MDGA2: variants seen among roughly 807,000 people sequenced by gnomAD.
MDGA2 encodes the protein MAM domain-containing glycosylphosphatidylinositol anchor protein 2.
In MDGA2, 40 loss-of-function variants were observed where a neutral mutation model predicts 117.8. The ratio of observed to expected loss-of-function variants is 0.34; its 90% CI spans 0.26 to 0.44. The LOEUF is 0.44. Among genes scored for constraint, MDGA2 ranks in the 20% least tolerant of loss-of-function variants. The probability of loss-of-function intolerance (pLI) is 1.00; values close to 1 mark genes in which losing one functional copy is unlikely to be tolerated. For missense variants in MDGA2, 1,123 were observed against 1,250.6 expected (o/e 0.90, Z 1.54); for synonymous variants, 452 against 439.0 (o/e 1.03, Z -0.37).
intron 2 of MDGA2, among the ~76,000 whole-genome samples, chr14:47,249,879 A>G (rs1435132466): frequency 6.6e-6 from 1 of 152,238 alleles, no homozygotes; most frequent in Non-Finnish European, 1.5e-5. Context: ...GTTGATAACT[A>G]GAGAAGGTAA....
intron 1 of MDGA2, among the ~76,000 whole-genome samples, chr14:47,522,077 A>C (rs1416541221): frequency 6.6e-6 from 1 of 152,082 alleles, no homozygotes; most frequent in Non-Finnish European, 1.5e-5. Context: ...AAAGGAAAAC[A>C]TTTTCCTTTT....
At chr14:47,215,278 T>C (rs1886045166) in intron 3 of MDGA2, among the ~76,000 whole-genome samples, 1 of 152,088 alleles carries the variant, frequency 6.6e-6, no homozygotes, top group South Asian at 2.1e-4. Context: ...TATAAATGAA[T>C]ATCTATTCAA....
chr14:47,361,186 ACTCT>A (rs374880544), intron 1 of MDGA2, among the ~76,000 whole-genome samples: 34 of 142,324 alleles, frequency 2.4e-4, no homozygotes, highest in African/African-American at 8.1e-4. Flanking sequence ...GTCATGTTGT[ACTCT>A]CTCTCTCTCT....
chr14:47,144,610 C>CA lies in MDGA2; in HGVS notation c.596-337dup, dbSNP rs375897924. Among the ~76,000 whole-genome samples the CA allele has an allele frequency of 1.5e-3, 225 of 147,808 alleles. 2 individuals carry two copies. The highest frequency in any genetic ancestry group is 0.01 in the East Asian group (53 of 5,084). On this transcript the variant is annotated intron_variant, in intron 3 of 16. Transcript: ENST00000399232. ...TAGCCAAAACAATGAACCTCAGTGA[C>CA]AAAAAAAAAATTAATATCAGGCTGC...
intron 1 of MDGA2, among the ~76,000 whole-genome samples, chr14:47,667,821 C>T (rs141065301): frequency 1.0e-3 from 154 of 152,132 alleles, no homozygotes; most frequent in African/African-American, 3.5e-3. Context: ...CAAAACAAGA[C>T]AAAAAATATA....
At chr14:47,087,136 T>G (rs1890930020) in intron 6 of MDGA2, among the ~76,000 whole-genome samples, 1 of 152,190 alleles carries the variant, frequency 6.6e-6, no homozygotes, top group Non-Finnish European at 1.5e-5. Context: ...AATAATTATA[T>G]GTTAATACAT....
intron 5 of MDGA2, among the ~76,000 whole-genome samples, chr14:47,127,989 G>A (rs560319285): frequency 1.5e-4 from 23 of 152,236 alleles, no homozygotes; most frequent in Non-Finnish European, 2.4e-4. Flanking sequence ...AAGAAGAGCT[G>A]TCAGTCTCCT....
At chr14:47,438,778 C>T (rs566366607) in intron 1 of MDGA2, among the ~76,000 whole-genome samples, 9 of 152,204 alleles carry the variant, frequency 5.9e-5, no homozygotes, top group Admixed American at 2.6e-4. Context: ...GGCACAAATG[C>T]TTGGCAATGT....
In MDGA2 at chr14:47,189,600, C is replaced by A. The variant is rs563280152; in HGVS notation, c.595+28421G>T. 2.4e-4 allele frequency among the ~76,000 whole-genome samples: 36 copies of A among 152,174 alleles called. No individual in the cohort carries two copies. In the South Asian group the frequency reaches 7.3e-3, roughly 31 times the overall value. Reference sequence around the variant, plus strand: ...ATCACCTTTTAAACAAAAATGCTGTCATTGATTTGCAGTTTCATGATGATT... The same window carrying A: ...ATCACCTTTTAAACAAAAATGCTGTAATTGATTTGCAGTTTCATGATGATT... On this transcript the variant is annotated intron_variant, in intron 3 of 16. Transcript: ENST00000399232.
At chr14:47,214,047 A>C (rs1035480239) in intron 3 of MDGA2, among the ~76,000 whole-genome samples, 4 of 152,034 alleles carry the variant, frequency 2.6e-5, no homozygotes, top group African/African-American at 9.7e-5. Flanking sequence ...AAACCATCAG[A>C]TCTCATAAAA....
At chr14:47,530,323 C>A (rs1370994220) in intron 1 of MDGA2, among the ~76,000 whole-genome samples, 1 of 152,178 alleles carries the variant, frequency 6.6e-6, no homozygotes, top group Non-Finnish European at 1.5e-5. Flanking sequence ...AGCTTCACGT[C>A]CTGTTTCTAC....
chr14:47,648,139 T>C (rs1215703643), intron 1 of MDGA2, among the ~76,000 whole-genome samples: 1 of 152,166 alleles, frequency 6.6e-6, no homozygotes, highest in Non-Finnish European at 1.5e-5. Context: ...GCCTATGTCA[T>C]ACTGTGCCAT....
chr14:47,286,513 GC>G (rs1196246419), intron 2 of MDGA2, among the ~76,000 whole-genome samples: 1 of 151,776 alleles, frequency 6.6e-6, no homozygotes, highest in African/African-American at 2.4e-5. Flanking sequence ...ATTTCACTTA[GC>G]ATAATGCCCT....
intron 6 of MDGA2, among the ~76,000 whole-genome samples, chr14:47,080,125 A>G (rs150578593): frequency 0.01 from 1,571 of 152,276 alleles, 31 homozygotes; most frequent in African/African-American, 0.036. Flanking sequence ...GTCTAATTCA[A>G]TTTAACAGAT....
intron 3 of MDGA2, among the ~76,000 whole-genome samples, chr14:47,164,993 T>C (rs905040664): frequency 1.3e-5 from 2 of 152,008 alleles, no homozygotes; most frequent in Non-Finnish European, 2.9e-5. Flanking sequence ...CAGCAAACTA[T>C]TGCAAGGACG....
In MDGA2 at chr14:47,648,212, G is replaced by C. The variant is rs545962814; in HGVS notation, c.280+26305C>G. ...TGAGACACTTCTGTTTTTAATCTAGGCTTTCACATTTATTAGTTACATAAC... is the reference window on the plus strand; with the variant it reads ...TGAGACACTTCTGTTTTTAATCTAGCCTTTCACATTTATTAGTTACATAAC... On this transcript the variant is annotated intron_variant, in intron 1 of 16. Coordinates refer to ENST00000399232, the MANE Select transcript of MDGA2 (RefSeq NM_001113498.3). Among the ~76,000 whole-genome samples the C allele has an allele frequency of 1.2e-3, 183 of 152,178 alleles. 1 individual carries two copies. The highest frequency in any genetic ancestry group is 4.3e-3 in the African/African-American group (179 of 41,524).
intron 1 of MDGA2, among the ~76,000 whole-genome samples, chr14:47,584,545 C>T (rs1896288279): frequency 6.6e-6 from 1 of 151,794 alleles, no homozygotes; most frequent in Non-Finnish European, 1.5e-5. Flanking sequence ...TAAAAACTCT[C>T]ATACGCATCC....
intron 1 of MDGA2, among the ~76,000 whole-genome samples, chr14:47,495,217 G>A (rs746343001): frequency 1.6e-4 from 24 of 151,998 alleles, no homozygotes; most frequent in Admixed American, 2.0e-4. Context: ...AGTAAATAAT[G>A]CATACACATG....
At chr14:47,562,845 C>CT (rs1043828878) in intron 1 of MDGA2, among the ~76,000 whole-genome samples, 28 of 152,010 alleles carry the variant, frequency 1.8e-4, no homozygotes, top group Admixed American at 6.5e-5. Context: ...ACTCTGCTAT[C>CT]TTTTTTTGGT....
Sources: allele counts gnomAD v4.1 joint callset (sites outside exome capture counted in the v4.1 genomes callset), GRCh38; gene constraint gnomAD v4.1.1; transcripts MANE v1.5; gene names NCBI Gene and HGNC (gene_info 2026-07-23, HGNC 2026-07-21).